The following TRAPPC9 variants were observed in gnomAD, a reference collection of about 807,000 sequenced individuals.
TRAPPC9 encodes IKK2 binding protein.
In TRAPPC9, 83 loss-of-function variants were observed where a neutral mutation model predicts 124.0. The ratio of observed to expected loss-of-function variants is 0.67; its 90% CI spans 0.56 to 0.80. TRAPPC9 has a LOEUF of 0.80. Among genes scored for constraint, TRAPPC9 ranks in the 30% least tolerant of loss-of-function variants. TRAPPC9 has a pLI of 0.00. For missense variants in TRAPPC9, 1,302 were observed against 1,508.3 expected (o/e 0.86, Z 2.27); for synonymous variants, 638 against 617.5 (o/e 1.03, Z -0.49).
intron 19 of TRAPPC9, among the ~76,000 whole-genome samples, chr8:139,949,472 A>AG (rs1239729761): frequency 2.0e-4 from 30 of 152,254 alleles, no homozygotes; most frequent in Non-Finnish European, 8.8e-5. Context: ...CATTCGTGAC[A>AG]GACAAAAGGG....
At chr8:140,061,015 G>T (rs1156937944) in intron 17 of TRAPPC9, among the ~76,000 whole-genome samples, 2 of 152,212 alleles carry the variant, frequency 1.3e-5, no homozygotes, top group Non-Finnish European at 2.9e-5. Flanking sequence ...ACAGTCTGGA[G>T]AGACTGTAAA....
At chr8:140,088,758 A>G (rs570917407) in intron 17 of TRAPPC9, among the ~76,000 whole-genome samples, 3 of 152,378 alleles carry the variant, frequency 2.0e-5, no homozygotes, top group Admixed American at 2.0e-4. Flanking sequence ...ATGAATAAAC[A>G]TATCAGAAGC....
At chr8:140,127,071 C>G (rs1412862738) in intron 17 of TRAPPC9, among the ~76,000 whole-genome samples, 1 of 152,224 alleles carries the variant, frequency 6.6e-6, no homozygotes, top group Non-Finnish European at 1.5e-5. Flanking sequence ...ACCGCTTCTT[C>G]ACTTTCAAAC....
At chr8:140,346,235 C>T (rs991453920) in intron 9 of TRAPPC9, among the ~76,000 whole-genome samples, 3 of 152,176 alleles carry the variant, frequency 2.0e-5, no homozygotes, top group Admixed American at 2.0e-4. Flanking sequence ...CAGCCAACCT[C>T]GGCTTCTCCC....
intron 18 of TRAPPC9, among the ~76,000 whole-genome samples, chr8:140,022,042 T>A (rs1839861948): frequency 6.6e-6 from 1 of 152,146 alleles, no homozygotes; most frequent in African/African-American, 2.4e-5. Context: ...CTGGGCCAGA[T>A]CCTTAAGCAC....
At chr8:139,793,537 C>T (rs1003743051) in intron 21 of TRAPPC9, among the ~76,000 whole-genome samples, 1 of 152,150 alleles carries the variant, frequency 6.6e-6, no homozygotes, top group Non-Finnish European at 1.5e-5. Flanking sequence ...TGGACTGTTG[C>T]TGACAGTCAC....
intron 21 of TRAPPC9, among the ~76,000 whole-genome samples, chr8:139,770,761 G>A (rs1820902375): frequency 6.6e-6 from 1 of 152,226 alleles, no homozygotes; most frequent in African/African-American, 2.4e-5. Context: ...AGCCCTTAGC[G>A]TGGTGGGGAA....
Position 140,287,624 on chromosome 8 carries a change from T to C in TRAPPC9, c.1965A>G (p.Gly655=). Residue 655 remains glycine (G), a synonymous_variant, in exon 13 of 23, where the codon GGA becomes GGG. Coordinates refer to ENST00000438773, the MANE Select transcript of TRAPPC9 (RefSeq NM_001160372.4). ...TCTCCTTACCGTTCACAGTAATCGT[T>C]CCAGTCGTCTGCGGGACCCCGACGA... ...VTLVGVPQTT[G]TITVNGYHTT... 1 of 1,614,112 alleles carries C rather than the reference T, an allele frequency of 6.2e-7. No individual in the cohort carries two copies. Among genetic ancestry groups the C allele is most frequent in the Non-Finnish European group, 8.5e-7 (1 of 1,180,008 alleles).
chr8:140,211,823 T>G (rs1025491501), intron 17 of TRAPPC9, among the ~76,000 whole-genome samples: 2 of 152,096 alleles, frequency 1.3e-5, no homozygotes, highest in Non-Finnish European at 2.9e-5. Flanking sequence ...TCAAGAAATG[T>G]GTACAGAAGG....
intron 21 of TRAPPC9, among the ~76,000 whole-genome samples, chr8:139,790,358 GAA>G (rs1346004106): frequency 6.6e-6 from 1 of 152,208 alleles, no homozygotes; most frequent in African/African-American, 2.4e-5. Flanking sequence ...CGCTGAGAAT[GAA>G]AGAGACCGGG....
At chr8:139,903,042 C>A (rs1287021335) in intron 20 of TRAPPC9, among the ~76,000 whole-genome samples, 2 of 152,196 alleles carry the variant, frequency 1.3e-5, no homozygotes, top group African/African-American at 2.4e-5. Context: ...AGATCCAACA[C>A]CCCTCAGCAG....
At chr8:140,156,160 A>G (rs2061625423) in intron 17 of TRAPPC9, among the ~76,000 whole-genome samples, 1 of 152,204 alleles carries the variant, frequency 6.6e-6, no homozygotes, top group South Asian at 2.1e-4. Flanking sequence ...CCAGGCTACC[A>G]TCCGCATGCT....
At chr8:140,188,124 A>G (rs906944148) in intron 17 of TRAPPC9, among the ~76,000 whole-genome samples, 4 of 152,210 alleles carry the variant, frequency 2.6e-5, no homozygotes, top group Non-Finnish European at 4.4e-5. Context: ...TCATGGGAGA[A>G]GGAGAAGCTA....
intron 19 of TRAPPC9, among the ~76,000 whole-genome samples, chr8:139,987,293 T>C (rs1377088558): frequency 6.6e-6 from 1 of 152,184 alleles, no homozygotes; most frequent in Non-Finnish European, 1.5e-5. Context: ...AAAGGGTAAG[T>C]GTATGTTTAA....
chr8:140,375,068 A>G (rs953670393), intron 7 of TRAPPC9, among the ~76,000 whole-genome samples: 1 of 152,186 alleles, frequency 6.6e-6, no homozygotes, highest in Admixed American at 6.5e-5. Context: ...CCATGAGCCC[A>G]GAGAGCCTCA....
Position 140,272,211 on chromosome 8 carries a change from G to T in TRAPPC9, c.2278+3447C>A, listed in dbSNP as rs558889303. Reference sequence around the variant, plus strand: ...ATGGTGGTGATGGTGGCAGTGGTGAGGGTGGTGGTTGTGTTGATAGTGGTA... The same window carrying T: ...ATGGTGGTGATGGTGGCAGTGGTGATGGTGGTGGTTGTGTTGATAGTGGTA... On this transcript the variant is annotated intron_variant, in intron 15 of 22. Coordinates refer to ENST00000438773, the MANE Select transcript of TRAPPC9 (RefSeq NM_001160372.4). Among the ~76,000 whole-genome samples, 97 of 134,058 alleles carry T rather than the reference G, an allele frequency of 7.2e-4. No individual in the cohort carries two copies. In the South Asian group the frequency reaches 0.016, roughly 22 times the overall value. 87.9% of individuals were successfully genotyped at this position (134,058 alleles called of 152,430 possible).
intron 8 of TRAPPC9, among the ~76,000 whole-genome samples, chr8:140,369,964 T>C (rs181050943): frequency 6.6e-6 from 1 of 151,602 alleles, no homozygotes; most frequent in Non-Finnish European, 1.5e-5. Context: ...GGAAAAAAAA[T>C]AAAAATAAAA....
intron 20 of TRAPPC9, among the ~76,000 whole-genome samples, chr8:139,903,807 G>A (rs921144235): frequency 2.0e-5 from 3 of 152,158 alleles, no homozygotes; most frequent in Non-Finnish European, 2.9e-5. Context: ...TTGGGAGGCC[G>A]AAGTGGGCAG....
intron 17 of TRAPPC9, chr8:140,100,047 G>A (rs1164390707): frequency 6.8e-6 from 1 of 146,922 alleles, no homozygotes; most frequent in Non-Finnish European, 1.5e-5. Context: ...ACTGCGGAAC[G>A]AGTGCCGCAA....
Sources: allele counts gnomAD v4.1 joint callset (sites outside exome capture counted in the v4.1 genomes callset), GRCh38; gene constraint gnomAD v4.1.1; transcripts MANE v1.5; gene names NCBI Gene and HGNC (gene_info 2026-07-23, HGNC 2026-07-21).